Variants in DNAAF8 observed in about 807,000 individuals in gnomAD.
The protein encoded by DNAAF8 is dynein axonemal-associated protein 1.
DNAAF8 carries 61 observed loss-of-function variants against 54.6 expected under a neutral mutation model. The ratio of observed to expected loss-of-function variants is 1.12; its 90% CI spans 0.91 to 1.38. DNAAF8 has a LOEUF of 1.38. Among genes scored for constraint, DNAAF8 ranks in the 40% most tolerant of loss-of-function variants. The pLI is 0.00. For synonymous variants in DNAAF8, 320 were observed against 270.1 expected (o/e 1.18, Z -1.81); for missense variants, 837 against 665.0 (o/e 1.26, Z -2.85).
In DNAAF8 at chr16:4,747,347, T is replaced by C. The variant is rs1276558426; in HGVS notation, c.1285T>C (p.Cys429Arg). 5 of 1,575,766 alleles carry C rather than the reference T, an allele frequency of 3.2e-6. No homozygotes were observed. The highest frequency in any genetic ancestry group is 2.2e-5 in the East Asian group (1 of 44,464). The change falls in exon 9 of 10, where the codon TGT (cysteine) becomes CGT (arginine). Residue 429 changes from cysteine to arginine, a missense_variant. Coordinates refer to ENST00000299320, the MANE Select transcript of DNAAF8 (RefSeq NM_139170.3). ...TTTGGTCTCATTGTGTCACAGGACC[T>C]GTACCGGGAAAAGCCAGCTTCTCCA... is the stretch of plus-strand genomic sequence containing the variant. The part of the protein sequence containing the change: ...ASPSSLGLRT[C>R]TGKSQLLQQL...
At position 4,745,157 on chromosome 16, in the gene DNAAF8, T is replaced by G. The variant is rs2081998759; in HGVS notation, c.1043+146T>G. On this transcript the variant is annotated intron_variant, in intron 6 of 9. Transcript: ENST00000299320. The stretch of plus-strand genomic sequence containing the variant: ...GCATCTGATCAGGCAGTCGCTCCAG[T>G]CATCCCCATTTTAGAGATGGGGAAA... The G allele has an allele frequency of 1.6e-5, 18 of 1,110,342 alleles. No individual in the cohort carries two copies. In the South Asian group the frequency reaches 2.2e-4, roughly 14 times the overall value. The allele number at this position is 1,110,342 out of a possible 1,614,324, so 68.8% of individuals were successfully genotyped here.
chr16:4,735,887 C>T (rs2081888723), intron 1 of DNAAF8, among the ~76,000 whole-genome samples: 2 of 152,120 alleles, frequency 1.3e-5, no homozygotes, highest in Non-Finnish European at 2.9e-5. Flanking sequence ...GCTCAGGAGG[C>T]CGAGGCTTCA....
chr16:4,744,727 T>TA, intron 5 of DNAAF8, 143 bp from the exon 6 acceptor site: 1 of 1,033,564 alleles, frequency 9.7e-7, no homozygotes, highest in Non-Finnish European at 1.4e-6. Context: ...GAGGGCTGAG[T>TA]AGGGAGAGGG....
intron 7 of DNAAF8, 185 bp from the exon 8 acceptor site, chr16:4,746,742 C>T (rs367553353): frequency 1.6e-5 from 12 of 751,616 alleles, no homozygotes; most frequent in Middle Eastern, 3.7e-4. Context: ...GAGCCCAACA[C>T]GTCTAGGCTG....
At chr16:4,746,867 A>G (rs2082023543) in intron 7 of DNAAF8, 60 bp from the exon 8 acceptor site, 16 of 1,435,788 alleles carry the variant, frequency 1.1e-5, no homozygotes, top group Non-Finnish European at 1.5e-5. Flanking sequence ...TCAAGCCCCA[A>G]CAAGAGTTGG....
In DNAAF8 at chr16:4,746,502, TC is replaced by T; in HGVS notation, c.1175del (p.Pro392GlnfsTer88). 1 of 1,613,544 alleles carries T rather than the reference TC, an allele frequency of 6.2e-7. No homozygotes were observed. Among genetic ancestry groups the T allele is most frequent in the Non-Finnish European group, 8.5e-7 (1 of 1,179,944 alleles). ...GCAGATGGAGCTACCAGACCACCTGTCCCCAGAAAGGTCCGGAGGGCAGTGA... is the reference window on the plus strand; with the variant it reads ...GCAGATGGAGCTACCAGACCACCTGTCCCAGAAAGGTCCGGAGGGCAGTGA... Reference protein sequence around the residue: ...LRQMELPDHLSPESSSHSSSD... With the variant: ...LRQMELPDHLXPESSSHSSSD... On this transcript the variant is annotated frameshift_variant, in exon 7 of 10. Transcript: ENST00000299320. LOFTEE classifies it high-confidence loss of function.
rs779517240 is a variant in DNAAF8 at position 4,740,220 on chromosome 16, C to T, written c.344C>T (p.Ala115Val). ...AGACAGAACACAAGGACAAAGGATG[C>T]ATCCTCTCAGGAAGGAAGAGACCCT... ...GCRQNTRTKDASSQEGRDPGR... is the reference protein window; with the variant it reads ...GCRQNTRTKDVSSQEGRDPGR... The change falls in exon 4 of 10, where the codon GCA (alanine) becomes GTA (valine). Residue 115 changes from alanine to valine, a missense_variant. Coordinates refer to ENST00000299320, the MANE Select transcript of DNAAF8 (RefSeq NM_139170.3). 5.6e-6 allele frequency: 9 copies of T among 1,614,048 alleles called. No homozygotes were observed. In the Admixed American group the frequency reaches 1.5e-4, roughly 27 times the overall value.
In DNAAF8 at chr16:4,740,139, T is replaced by C. The variant is rs1406811431; in HGVS notation, c.277-14T>C. 2.5e-6 allele frequency: 4 copies of C among 1,582,932 alleles called. No homozygotes were observed. ...TTTGAGGATGCTAACTGAACATACC[T>C]GTTTTCTTGACAGCCAGTTCTGGTG... On this transcript the variant is annotated splice_polypyrimidine_tract_variant and intron_variant, in intron 3 of 9. Transcript: ENST00000299320.
intron 5 of DNAAF8, 30 bp from the exon 6 acceptor site, chr16:4,744,840 C>G: frequency 6.2e-7 from 1 of 1,600,218 alleles, no homozygotes; most frequent in Non-Finnish European, 8.5e-7. Context: ...CAAGTCCCCA[C>G]TAATCAGCCT....
intron 7 of DNAAF8, 126 bp downstream of exon 7, chr16:4,746,638 A>C: frequency 5.9e-4 from 752 of 1,280,212 alleles, no homozygotes; most frequent in Non-Finnish European, 7.3e-4. Flanking sequence ...ATCAATTCTC[A>C]ATTGAAAAGT....
rs575643066 is a variant in DNAAF8, at chr16:4,744,394, AG to A, written c.902-474del. Among the ~76,000 whole-genome samples, 611 of 152,278 alleles carry A rather than the reference AG, an allele frequency of 4.0e-3. 3 individuals are homozygous for A. The highest frequency in any genetic ancestry group is 4.6e-3 in the Non-Finnish European group (313 of 68,034). ...AAGCTGGAAACAACCCATATTCAGG[AG>A]GAGTCCAGCTAGATCGTTTTAGCAC... On this transcript the variant is annotated intron_variant, in intron 5 of 9. Coordinates refer to ENST00000299320, the MANE Select transcript of DNAAF8 (RefSeq NM_139170.3).
intron 2 of DNAAF8, among the ~76,000 whole-genome samples, chr16:4,737,497 C>G (rs1416038496): frequency 1.3e-5 from 2 of 152,168 alleles, no homozygotes; most frequent in South Asian, 2.1e-4. Flanking sequence ...GTTCATGTCA[C>G]GAGGCATTAA....
At chr16:4,735,185 ATTGTC>A (rs1187539139) in intron 1 of DNAAF8, 3 of 151,864 alleles carry the variant, frequency 2.0e-5, no homozygotes, top group Non-Finnish European at 4.4e-5. Flanking sequence ...TCCCTCCCCT[ATTGTC>A]TTGTCCGCCT....
intron 6 of DNAAF8, 46 bp from the exon 7 acceptor site, chr16:4,746,329 T>C: frequency 8.9e-6 from 14 of 1,570,954 alleles, no homozygotes; most frequent in Non-Finnish European, 1.2e-5. Flanking sequence ...GGTCACAGAG[T>C]TATCACAGAG....
At chr16:4,735,105 C>A (rs2081863134) in intron 1 of DNAAF8, 1 of 152,344 alleles carries the variant, frequency 6.6e-6, no homozygotes, top group Admixed American at 6.5e-5. Flanking sequence ...CACTTTCTTC[C>A]CTTAAACCTG....
chr16:4,740,417 C>T lies in DNAAF8; in HGVS notation c.541C>T (p.Pro181Ser), dbSNP rs770654902. 9.3e-6 allele frequency: 15 copies of T among 1,614,002 alleles called. No individual in the cohort carries two copies. Among genetic ancestry groups the T allele is most frequent in the Non-Finnish European group, 1.0e-5 (12 of 1,180,000 alleles). Residue 181 changes from proline to serine, a missense_variant, in exon 4 of 10, where the codon CCA becomes TCA. By Grantham distance (74) the Pro-to-Ser change is moderately conservative. Coordinates refer to ENST00000299320, the MANE Select transcript of DNAAF8 (RefSeq NM_139170.3). ...EATLSCHEGD[P>S]KAEPLSTASQ... ...CACTCTCTCCTGCCATGAAGGAGAC[C>T]CAAAGGCAGAGCCCCTCAGCACTGC...
chr16:4,746,136 T>C (rs2082014550), intron 6 of DNAAF8: 1 of 452,836 alleles, frequency 2.2e-6, no homozygotes, highest in East Asian at 3.6e-5. Flanking sequence ...GCCAAGTGGC[T>C]ACACTTACCA....
In DNAAF8 at chr16:4,746,970, G is replaced by T; in HGVS notation, c.1225G>T (p.Glu409Ter). 1.3e-6 allele frequency: 2 copies of T among 1,554,710 alleles called. No homozygotes were observed. Among genetic ancestry groups the T allele is most frequent in the East Asian group, 2.4e-5 (1 of 41,698 alleles). ...SSDSEEEEEE[E>*]MAALGDAEGA... ...TGACAGTGAGGAGGAGGAGGAGGAAGAGATGGCAGCTCTGGGAGACGCAGA... is the reference window on the plus strand; with the variant it reads ...TGACAGTGAGGAGGAGGAGGAGGAATAGATGGCAGCTCTGGGAGACGCAGA... Residue 409 changes from glutamate (E) to a stop codon, truncating the protein, a stop_gained, in exon 8 of 10, where the codon GAG becomes TAG. Coordinates refer to ENST00000299320, the MANE Select transcript of DNAAF8 (RefSeq NM_139170.3). LOFTEE classifies it high-confidence loss of function.
rs57990696 is a variant in DNAAF8, at chr16:4,737,008, C to T, written c.129+365C>T. 1.6e-3 allele frequency among the ~76,000 whole-genome samples: 238 copies of T among 152,256 alleles called. 1 individual carries two copies. Among genetic ancestry groups the T allele is most frequent in the African/African-American group, 5.4e-3 (225 of 41,550 alleles). ...CTCTCGTGCCAGGACAGGGCCAGAA[C>T]ACCCACTGAGAATGCACAATTCCAG... is the stretch of plus-strand genomic sequence containing the variant. On this transcript the variant is annotated intron_variant, in intron 2 of 9. Transcript: ENST00000299320.
Sources: gnomAD v4.1 joint callset for allele counts (sites outside exome capture counted in the v4.1 genomes callset) on GRCh38, gnomAD v4.1.1 for gene constraint, MANE v1.5 for transcripts, NCBI Gene and HGNC (gene_info 2026-07-23, HGNC 2026-07-21) for gene names.